MST1R: variants seen among roughly 807,000 people sequenced by gnomAD.
MST1R encodes macrophage-stimulating protein receptor.
A neutral mutation model predicts 117.8 loss-of-function variants in MST1R; 99 were observed. The observed-to-expected ratio is 0.84, with a 90% CI of 0.71 to 0.99. The LOEUF (loss-of-function observed/expected upper bound fraction) is 0.99. Among genes scored for constraint, MST1R ranks in the 50% least tolerant of loss-of-function variants. The pLI is 0.00. For missense variants in MST1R, 1,683 were observed against 1,840.2 expected (o/e 0.91, Z 1.56); for synonymous variants, 734 against 765.3 (o/e 0.96, Z 0.68).
At chr3:49,893,742 AC>A (rs2082382357) in intron 14 of MST1R, among the ~76,000 whole-genome samples, 1 of 148,936 alleles carries the variant, frequency 6.7e-6, no homozygotes, top group South Asian at 2.1e-4. Context: ...TACTAAAAAT[AC>A]AAAAAATTAG....
chr3:49,894,378 C>T (rs1320440097), intron 14 of MST1R, among the ~76,000 whole-genome samples: 1 of 152,042 alleles, frequency 6.6e-6, no homozygotes, highest in African/African-American at 2.4e-5. Context: ...GCCTGGACAA[C>T]ATGATTCGAG....
chr3:49,890,711 G>A (rs2082288981), intron 17 of MST1R, 61 bp from the exon 18 acceptor site: 1 of 1,491,316 alleles, frequency 6.7e-7, no homozygotes. Flanking sequence ...GAACCCACCT[G>A]TTCTAGGCCC....
In MST1R at chr3:49,903,670, C is replaced by T. The variant is rs1016275427; in HGVS notation, c.-61G>A. 10 of 1,510,264 alleles carry T rather than the reference C, an allele frequency of 6.6e-6. No individual in the cohort carries two copies. In the African/African-American group the frequency reaches 1.3e-4, roughly 19 times the overall value. The allele number at this position is 1,510,264 out of a possible 1,614,324, so 93.6% of individuals were successfully genotyped here. A position where few individuals can be genotyped will look rare whatever the true frequency, so the allele number is the denominator to read the frequency against. On this transcript the variant is annotated 5_prime_UTR_variant, in exon 1 of 20. Coordinates refer to ENST00000296474, the MANE Select transcript of MST1R (RefSeq NM_002447.4). Reference sequence around the variant, plus strand: ...CCTGGGCCTGGACCTGGGCGTGGGCCTGGCTGGGGGCCCGACTCGAGGTCT... The same window carrying T: ...CCTGGGCCTGGACCTGGGCGTGGGCTTGGCTGGGGGCCCGACTCGAGGTCT...
At chr3:49,899,794 G>C (rs921048671) in intron 1 of MST1R, among the ~76,000 whole-genome samples, 1 of 151,728 alleles carries the variant, frequency 6.6e-6, no homozygotes, top group Admixed American at 6.6e-5. Flanking sequence ...GGCTGGTCTC[G>C]AACTCCTGAC....
chr3:49,901,672 G>A (rs555029430), intron 1 of MST1R, among the ~76,000 whole-genome samples: 6 of 147,236 alleles, frequency 4.1e-5, no homozygotes, highest in African/African-American at 1.5e-4. Flanking sequence ...TGGCAAAAAC[G>A]TTAGTGAAGC....
In MST1R at chr3:49,897,390, G is replaced by T; in HGVS notation, c.2073C>A (p.Pro691=). ...FMEPVLIAVQ[P]LFGPRAGGTC... is the part of the protein sequence containing the mutation. ...TGCCTCCTGCCCGTGGGCCAAAGAG[G>T]GGTTGCACTGCTATCAGCACTGGCT... is the stretch of plus-strand genomic sequence containing the variant. Residue 691 remains proline, a synonymous_variant, in exon 7 of 20, where the codon CCC becomes CCA. Transcript: ENST00000296474. 1 of 1,613,796 alleles carries T rather than the reference G, an allele frequency of 6.2e-7. No individual in the cohort carries two copies. The highest frequency in any genetic ancestry group is 1.3e-5 in the African/African-American group (1 of 75,044).
At position 49,897,622 on chromosome 3, in the gene MST1R, C is replaced by CT; in HGVS notation, c.1943dup (p.Ala649GlyfsTer13). 1 of 1,614,184 alleles carries CT rather than the reference C, an allele frequency of 6.2e-7. No homozygotes were observed. The highest frequency in any genetic ancestry group is 8.5e-7 in the Non-Finnish European group (1 of 1,180,038). The stretch of plus-strand genomic sequence containing the variant: ...GGCTGACGTTGGTAGGCCCCACTGC[C>CT]TGGGTGCCCAAGGGCTCCAGTTCAC... On this transcript the variant is annotated frameshift_variant, in exon 6 of 20. Coordinates refer to ENST00000296474, the MANE Select transcript of MST1R (RefSeq NM_002447.4). LOFTEE classifies it high-confidence loss of function.
At position 49,895,156 on chromosome 3, in the gene MST1R, G is replaced by T; in HGVS notation, c.3271+11C>A. 1 of 1,613,538 alleles carries T rather than the reference G, an allele frequency of 6.2e-7. No homozygotes were observed. The highest frequency in any genetic ancestry group is 1.1e-5 in the South Asian group (1 of 91,048). ...CTCCATCTCTGCCCCAGCCCCACCT[G>T]GCCCCCACACCTTTGCCAATGACTC... On this transcript the variant is annotated intron_variant, in intron 14 of 19. Transcript: ENST00000296474.
Position 49,896,721 on chromosome 3 carries a change from G to T in MST1R, c.2345+8C>A, listed in dbSNP as rs756408919. 2.5e-6 allele frequency: 4 copies of T among 1,599,982 alleles called. No individual in the cohort carries two copies. The South Asian group carries it at 3.4e-5, about 13-fold the overall frequency. ...AGAGGCCAGAGTGGGCAAAGAGGCA[G>T]TGCTTACATGTAGCCACAGTTGGGG... On this transcript the variant is annotated splice_region_variant and intron_variant, in intron 8 of 19. Coordinates refer to ENST00000296474, the MANE Select transcript of MST1R (RefSeq NM_002447.4).
Position 49,903,757 on chromosome 3 carries a change from G to C in MST1R, c.-148C>G, listed in dbSNP as rs1211684979. The C allele has an allele frequency of 8.7e-6, 10 of 1,154,088 alleles. No individual in the cohort carries two copies. Among genetic ancestry groups the C allele is most frequent in the Non-Finnish European group, 1.1e-5 (9 of 845,638 alleles). 71.5% of individuals were successfully genotyped at this position (1,154,088 alleles called of 1,614,324 possible). A position where few individuals can be genotyped will look rare whatever the true frequency, so the allele number is the denominator to read the frequency against. ...CCAAGATAGCGGACCCCCGCCCCAGGTTCCTGTGAAACCCAAATCCCTTCC... is the reference window on the plus strand; with the variant it reads ...CCAAGATAGCGGACCCCCGCCCCAGCTTCCTGTGAAACCCAAATCCCTTCC... On this transcript the variant is annotated 5_prime_UTR_variant, in exon 1 of 20. Transcript: ENST00000296474.
chr3:49,897,887 C>G (rs2082536200), intron 5 of MST1R, 164 bp downstream of exon 5: 4 of 1,159,110 alleles, frequency 3.5e-6, no homozygotes, highest in Non-Finnish European at 3.7e-6. Context: ...CACATGAAAG[C>G]TCAAAAAGGG....
intron 19 of MST1R, among the ~76,000 whole-genome samples, chr3:49,888,297 G>A (rs1426735092): frequency 3.3e-5 from 5 of 152,130 alleles, no homozygotes; most frequent in African/African-American, 4.8e-5. Context: ...TTAGCCGGGC[G>A]TCGTGGCAGG....
rs1035118897 is a variant in MST1R, at chr3:49,890,552, C to A, written c.3743G>T (p.Arg1248Leu). The part of the protein sequence containing the change: ...YYSVQQHRHA[R>L]LPVKWMALES... ...CAGCGCCATCCACTTCACAGGTAGG[C>A]GAGCGTGGCGATGCTGTTGAACACT... Residue 1248 changes from arginine to leucine, a missense_variant, in exon 18 of 20, where the codon CGC (arginine) becomes CTC (leucine). Coordinates refer to ENST00000296474, the MANE Select transcript of MST1R (RefSeq NM_002447.4). The A allele has an allele frequency of 6.2e-7, 1 of 1,614,104 alleles. No homozygotes were observed. Among genetic ancestry groups the A allele is most frequent in the East Asian group, 2.2e-5 (1 of 44,870 alleles).
rs996723975 is a variant in MST1R, at chr3:49,898,528, T to G, written c.1709A>C (p.Lys570Thr). 1 of 1,613,504 alleles carries G rather than the reference T, an allele frequency of 6.2e-7. No homozygotes were observed. Among genetic ancestry groups the G allele is most frequent in the African/African-American group, 1.3e-5 (1 of 74,864 alleles). ...GSWQQDHCPP[K>T]LTEFHPHSGP... ...CCAGGGAAGCCATACCTCAGTAAGC[T>G]TAGGTGGGCAGTGGTCCTGTTGCCA... Residue 570 changes from lysine (K) to threonine (T), a missense_variant, in exon 4 of 20, where the codon AAG becomes ACG. By Grantham distance (78) the Lys-to-Thr change is moderately conservative. Transcript: ENST00000296474.
chr3:49,902,452 A>C lies in MST1R; in HGVS notation c.1158T>G (p.Cys386Trp). The C allele has an allele frequency of 6.2e-7, 1 of 1,614,166 alleles. No homozygotes were observed. Among genetic ancestry groups the C allele is most frequent in the Non-Finnish European group, 8.5e-7 (1 of 1,180,040 alleles). The part of the protein sequence containing the change: ...TLIDEGVERC[C>W]ESPVHPGLRR... Reference sequence around the variant, plus strand: ...GGAGGCCTGGATGGACTGGGGATTCACAACAGCGCTCCACACCCTCATCAA... The same window carrying C: ...GGAGGCCTGGATGGACTGGGGATTCCCAACAGCGCTCCACACCCTCATCAA... Residue 386 changes from cysteine to tryptophan, a missense_variant, in exon 1 of 20, where the codon TGT becomes TGG. By Grantham distance (215) the Cys-to-Trp change is radical. Transcript: ENST00000296474.
At position 49,887,123 on chromosome 3, in the gene MST1R, G is replaced by T; in HGVS notation, c.*184C>A. ...AGCAGGCACTCCATAAATACATGTT[G>T]CAGGACTGCCCTCACTGGCTCACTC... On this transcript the variant is annotated 3_prime_UTR_variant, in exon 20 of 20. Transcript: ENST00000296474. The T allele has an allele frequency of 1.3e-6, 1 of 759,484 alleles. No homozygotes were observed. The highest frequency in any genetic ancestry group is 2.1e-6 in the Non-Finnish European group (1 of 471,490). The allele number at this position is 759,484 out of a possible 1,614,324, so 47.0% of individuals were successfully genotyped here.
At position 49,895,741 on chromosome 3, in the gene MST1R, C is replaced by A; in HGVS notation, c.2936G>T (p.Ser979Ile). 1 of 1,612,992 alleles carries A rather than the reference C, an allele frequency of 6.2e-7. No individual in the cohort carries two copies. Residue 979 changes from serine to isoleucine, a missense_variant, in exon 12 of 20, where the codon AGC becomes ATC. Coordinates refer to ENST00000296474, the MANE Select transcript of MST1R (RefSeq NM_002447.4). ...TAGCTGCTTCCTCCGCCACCAGTAGCTGAAGACCAGTGCAGTCGCCAGTGC... is the reference window on the plus strand; with the variant it reads ...TAGCTGCTTCCTCCGCCACCAGTAGATGAAGACCAGTGCAGTCGCCAGTGC... Reference protein sequence around the residue: ...VAALATALVFSYWWRRKQLVL... With the variant: ...VAALATALVFIYWWRRKQLVL...
At chr3:49,891,938 G>A (rs2082329211) in intron 14 of MST1R, 100 bp from the exon 15 acceptor site, 1 of 818,698 alleles carries the variant, frequency 1.2e-6, no homozygotes, top group Admixed American at 2.4e-5. Flanking sequence ...CACTAAACTG[G>A]CCAATCTGAC....
At chr3:49,897,970 A>T in intron 5 of MST1R, 81 bp downstream of exon 5, 1 of 1,588,384 alleles carries the variant, frequency 6.3e-7, no homozygotes, top group Non-Finnish European at 8.6e-7. Context: ...TGCCTCTGAT[A>T]AGCAGAGAAC....
Sources: gnomAD v4.1 joint callset for allele counts (sites outside exome capture counted in the v4.1 genomes callset) on GRCh38, gnomAD v4.1.1 for gene constraint, MANE v1.5 for transcripts, NCBI Gene and HGNC (gene_info 2026-07-23, HGNC 2026-07-21) for gene names.